DOK5: variants seen among roughly 807,000 people sequenced by gnomAD.
DOK5 encodes the protein docking protein 5.
Under a neutral mutation model 43.3 loss-of-function variants are expected in DOK5, and 27 were observed. The ratio of observed to expected loss-of-function variants is 0.62; its 90% CI spans 0.46 to 0.86. The LOEUF is 0.86. Ranked by LOEUF, DOK5 falls within the 40% of genes least tolerant of loss-of-function variation. DOK5 has a pLI of 0.00. For missense variants in DOK5, 373 were observed against 392.9 expected (o/e 0.95, Z 0.43); for synonymous variants, 146 against 140.1 (o/e 1.04, Z -0.30).
At chr20:54,530,557 T>C (rs574754865) in intron 1 of DOK5, among the ~76,000 whole-genome samples, 1 of 152,316 alleles carries the variant, frequency 6.6e-6, no homozygotes, top group African/African-American at 2.4e-5. Context: ...TCTTCTCTAC[T>C]TCCCATGACC....
At chr20:54,534,657 CAA>C (rs2146709515) in intron 1 of DOK5, among the ~76,000 whole-genome samples, 1 of 152,270 alleles carries the variant, frequency 6.6e-6, no homozygotes, top group South Asian at 2.1e-4. Flanking sequence ...GAATACCTGT[CAA>C]CTAAGCAGTG....
intron 1 of DOK5, among the ~76,000 whole-genome samples, chr20:54,530,105 A>G (rs949415832): frequency 2.0e-5 from 3 of 152,232 alleles, no homozygotes; most frequent in Non-Finnish European, 2.9e-5. Flanking sequence ...GGCTAATCAA[A>G]GATGACCAAC....
intron 5 of DOK5, among the ~76,000 whole-genome samples, chr20:54,606,203 C>A (rs1986463366): frequency 6.6e-6 from 1 of 152,210 alleles, no homozygotes; most frequent in Non-Finnish European, 1.5e-5. Flanking sequence ...ATACCTGCAT[C>A]TATATGGCAG....
chr20:54,488,070 C>G (rs1391765592), intron 1 of DOK5, among the ~76,000 whole-genome samples: 4 of 152,170 alleles, frequency 2.6e-5, no homozygotes, highest in African/African-American at 4.8e-5. Context: ...ACTCTTTATA[C>G]TAATTTCTCA....
intron 2 of DOK5, among the ~76,000 whole-genome samples, chr20:54,556,604 G>GC (rs1984716186): frequency 6.6e-6 from 1 of 152,170 alleles, no homozygotes; most frequent in Admixed American, 6.5e-5. Context: ...AGGATGACTT[G>GC]CTTTATTTTT....
rs556544605 is a variant in DOK5 at position 54,637,862 on chromosome 20, C to T, written c.736-5596C>T. ...CTTTGGCCGGGCGCGGTGGCTCACGCCTGTAATCCCAGCACTTTGGGAGGC... is the reference window on the plus strand; with the variant it reads ...CTTTGGCCGGGCGCGGTGGCTCACGTCTGTAATCCCAGCACTTTGGGAGGC... On this transcript the variant is annotated intron_variant, in intron 6 of 7. Transcript: ENST00000262593. Among the ~76,000 whole-genome samples, 10 of 152,342 alleles carry T rather than the reference C, an allele frequency of 6.6e-5. No homozygotes were observed. In the South Asian group the frequency reaches 1.4e-3, roughly 22 times the overall value.
intron 6 of DOK5, among the ~76,000 whole-genome samples, chr20:54,617,835 G>A (rs898381491): frequency 1.1e-4 from 16 of 152,144 alleles, no homozygotes; most frequent in African/African-American, 3.6e-4. Flanking sequence ...GTAATACGAT[G>A]TATTTATTGA....
intron 2 of DOK5, among the ~76,000 whole-genome samples, chr20:54,556,544 C>A (rs1984713913): frequency 6.6e-6 from 1 of 152,174 alleles, no homozygotes; most frequent in African/African-American, 2.4e-5. Flanking sequence ...CCAGTTATCC[C>A]TCATGTATCC....
At chr20:54,541,804 C>G (rs1265443141) in intron 1 of DOK5, among the ~76,000 whole-genome samples, 1 of 152,158 alleles carries the variant, frequency 6.6e-6, no homozygotes. Flanking sequence ...CCACTGCCAG[C>G]CCTGAACTCT....
At chr20:54,600,014 A>G (rs6014078) in intron 5 of DOK5, among the ~76,000 whole-genome samples, 27,312 of 152,138 alleles carry the variant, frequency 0.18, 4,601 homozygotes, top group African/African-American at 0.44. Flanking sequence ...AAGGGGTGCA[A>G]TTTTAAAGAG....
chr20:54,549,062 G>A (rs546662928), intron 1 of DOK5, among the ~76,000 whole-genome samples: 42 of 152,312 alleles, frequency 2.8e-4, no homozygotes, highest in South Asian at 1.0e-3. Flanking sequence ...ACCCATCTCA[G>A]ATGCCCGCAT....
intron 1 of DOK5, among the ~76,000 whole-genome samples, chr20:54,480,944 T>TATCAATC (rs1183946869): frequency 7.1e-6 from 1 of 140,778 alleles, no homozygotes; most frequent in African/African-American, 3.0e-5. Flanking sequence ...ATCATCTATC[T>TATCAATC]ATCTATCATC....
At chr20:54,636,165 G>A (rs1978817577) in intron 6 of DOK5, among the ~76,000 whole-genome samples, 1 of 152,216 alleles carries the variant, frequency 6.6e-6, no homozygotes, top group African/African-American at 2.4e-5. Flanking sequence ...ACTCCATCTT[G>A]ATTCTAGCCT....
At chr20:54,585,552 C>T (rs1433602391) in intron 2 of DOK5, among the ~76,000 whole-genome samples, 3 of 152,176 alleles carry the variant, frequency 2.0e-5, no homozygotes, top group Non-Finnish European at 4.4e-5. Context: ...TCTACCTCCA[C>T]CTCAATTTTT....
chr20:54,527,175 T>C (rs892141288), intron 1 of DOK5, among the ~76,000 whole-genome samples: 2 of 152,234 alleles, frequency 1.3e-5, no homozygotes, highest in Admixed American at 6.5e-5. Flanking sequence ...GTTTGACCCA[T>C]ATAATTGCAA....
At chr20:54,478,543 A>G (rs1981532470) in intron 1 of DOK5, among the ~76,000 whole-genome samples, 1 of 152,214 alleles carries the variant, frequency 6.6e-6, no homozygotes, top group African/African-American at 2.4e-5. Flanking sequence ...AACTAATACA[A>G]CAGCATTTAT....
At chr20:54,644,146 G>A (rs1446683744) in intron 7 of DOK5, among the ~76,000 whole-genome samples, 1 of 152,182 alleles carries the variant, frequency 6.6e-6, no homozygotes, top group Non-Finnish European at 1.5e-5. Context: ...CCTGGACTGA[G>A]GCCAGAAGCC....
chr20:54,511,168 A>T (rs1375385395), intron 1 of DOK5, among the ~76,000 whole-genome samples: 1 of 152,110 alleles, frequency 6.6e-6, no homozygotes, highest in Non-Finnish European at 1.5e-5. Context: ...TGCTGCATTG[A>T]CCACTTCCTA....
At chr20:54,621,752 C>T (rs1986982741) in intron 6 of DOK5, among the ~76,000 whole-genome samples, 2 of 151,874 alleles carry the variant, frequency 1.3e-5, no homozygotes, top group African/African-American at 4.8e-5. Flanking sequence ...AGGGTGCTAC[C>T]ATCCCATTTT....
Sources: gnomAD v4.1 joint callset for allele counts (sites outside exome capture counted in the v4.1 genomes callset) on GRCh38, gnomAD v4.1.1 for gene constraint, MANE v1.5 for transcripts, NCBI Gene and HGNC (gene_info 2026-07-23, HGNC 2026-07-21) for gene names.